The following M1AP variants were observed in gnomAD, a reference collection of about 807,000 sequenced individuals.
The protein encoded by M1AP is meiosis 1 arrest protein.
In M1AP, 39 loss-of-function variants were observed where a neutral mutation model predicts 51.2. The ratio of observed to expected loss-of-function variants is 0.76; its 90% CI spans 0.59 to 1.00. The LOEUF (loss-of-function observed/expected upper bound fraction) is 1.00, where lower values mean the gene tolerates loss of function less well. Among genes scored for constraint, M1AP ranks in the 50% least tolerant of loss-of-function variants. The pLI is 0.00. For missense variants in M1AP, 545 were observed against 641.2 expected, an observed-to-expected ratio of 0.85 and a Z score of 1.62; for synonymous variants, 251 against 249.2, an observed-to-expected ratio of 1.01 and a Z score of -0.07.
intron 7 of M1AP, among the ~76,000 whole-genome samples, chr2:74,569,512 C>T (rs1184841473): frequency 6.6e-6 from 1 of 151,720 alleles, no homozygotes; most frequent in African/African-American, 2.4e-5. Flanking sequence ...GTAGCTGGGA[C>T]TACAGGCATG....
At chr2:74,563,006 G>T (rs1349667130) in intron 7 of M1AP, among the ~76,000 whole-genome samples, 1 of 152,106 alleles carries the variant, frequency 6.6e-6, no homozygotes, top group Non-Finnish European at 1.5e-5. Flanking sequence ...TCTTTTGAGG[G>T]TAATAAAGTC....
intron 7 of M1AP, among the ~76,000 whole-genome samples, chr2:74,571,335 G>C (rs1445237271): frequency 6.6e-6 from 1 of 152,200 alleles, no homozygotes; most frequent in East Asian, 1.9e-4. Flanking sequence ...GACAATGGCG[G>C]TGCTGCTATT....
intron 2 of M1AP, among the ~76,000 whole-genome samples, chr2:74,624,142 C>T (rs1198893228): frequency 1.3e-5 from 2 of 152,300 alleles, no homozygotes; most frequent in African/African-American, 4.8e-5. Context: ...AAGGCATAAG[C>T]AGGCTAGTGC....
intron 2 of M1AP, chr2:74,620,772 C>T (rs1172601943): frequency 4.8e-6 from 1 of 207,856 alleles, no homozygotes; most frequent in Non-Finnish European, 1.0e-5. Flanking sequence ...TGAGTGAAGA[C>T]GTTCAGCCAC....
At chr2:74,616,571 T>C (rs1203277884) in intron 2 of M1AP, among the ~76,000 whole-genome samples, 1 of 152,246 alleles carries the variant, frequency 6.6e-6, no homozygotes, top group East Asian at 1.9e-4. Context: ...AGAATTTTTA[T>C]GCTTGGCAAC....
At chr2:74,558,986 G>A (rs1271111328) in intron 10 of M1AP, 112 bp from the exon 11 acceptor site, 2 of 1,077,728 alleles carry the variant, frequency 1.9e-6, no homozygotes, top group Non-Finnish European at 2.5e-6. Flanking sequence ...TCCCTGGAGT[G>A]ACAGCCTCAA....
chr2:74,575,634 C>T (rs1679019527), intron 6 of M1AP, 55 bp from the exon 7 acceptor site: 1 of 1,368,288 alleles, frequency 7.3e-7, no homozygotes, highest in African/African-American at 1.4e-5. Context: ...GAACCTCCAC[C>T]TAGATCCACT....
chr2:74,590,354 C>G (rs1030352968), intron 4 of M1AP, among the ~76,000 whole-genome samples: 9 of 151,794 alleles, frequency 5.9e-5, no homozygotes, highest in Admixed American at 4.6e-4. Flanking sequence ...GGATTCTGCC[C>G]TCCCTCATGA....
chr2:74,585,712 TG>T (rs1355577318), intron 4 of M1AP, among the ~76,000 whole-genome samples: 1 of 152,192 alleles, frequency 6.6e-6, no homozygotes, highest in Non-Finnish European at 1.5e-5. Context: ...GAGCACCTCT[TG>T]GGGGCAGACT....
At chr2:74,595,135 C>G (rs982094179) in intron 4 of M1AP, among the ~76,000 whole-genome samples, 2 of 152,096 alleles carry the variant, frequency 1.3e-5, no homozygotes, top group Non-Finnish European at 2.9e-5. Context: ...CCCACCTTAG[C>G]CTTCCAAGTA....
intron 2 of M1AP, among the ~76,000 whole-genome samples, chr2:74,635,092 T>G (rs1682912146): frequency 6.6e-6 from 1 of 152,166 alleles, no homozygotes; most frequent in South Asian, 2.1e-4. Context: ...AGTAGAATTC[T>G]TCAATAAAAC....
chr2:74,603,511 GA>G (rs1303293201), intron 4 of M1AP, among the ~76,000 whole-genome samples: 1 of 152,178 alleles, frequency 6.6e-6, no homozygotes, highest in Admixed American at 6.6e-5. Context: ...CTAAGAAGAG[GA>G]AAATGAATAC....
chr2:74,559,889 G>T (rs532964515), intron 9 of M1AP, among the ~76,000 whole-genome samples, 180 bp from the exon 10 acceptor site: 1 of 152,318 alleles, frequency 6.6e-6, no homozygotes, highest in Admixed American at 6.5e-5. Flanking sequence ...TTTGCTTAAT[G>T]GGACAATGGT....
intron 1 of M1AP, among the ~76,000 whole-genome samples, chr2:74,647,819 G>A (rs895142871): frequency 2.6e-5 from 4 of 152,186 alleles, no homozygotes; most frequent in Non-Finnish European, 5.9e-5. Flanking sequence ...ACTTGAACCC[G>A]GGAGGCGGAG....
In M1AP at chr2:74,641,641, C is replaced by CTT. The variant is rs111350730; in HGVS notation, c.-52-1316_-52-1315dup. 2.8e-3 allele frequency among the ~76,000 whole-genome samples: 393 copies of CTT among 141,038 alleles called. 1 individual carries two copies. Among genetic ancestry groups the CTT allele is most frequent in the African/African-American group, 9.9e-3 (378 of 38,188 alleles). The allele number at this position is 141,038 out of a possible 152,430, so 92.5% of individuals were successfully genotyped here. A position where few individuals can be genotyped will look rare whatever the true frequency, so the allele number is the denominator to read the frequency against. On this transcript the variant is annotated intron_variant, in intron 1 of 10. Transcript: ENST00000421985. ...ACATGCAAAGACCAAGAATTTCAAT[C>CTT]TTTTTTTTTTTTTTTGTAGAGATGG...
rs781778476 is a variant in M1AP, at chr2:74,558,853, G to T, written c.1456C>A (p.Arg486=). The change falls in exon 11 of 11, where the codon CGA becomes AGA. Residue 486 remains arginine (R), a synonymous_variant. Transcript: ENST00000421985. ...PCKTGQLQTN[R]ARATVAPLPM... ...AGGGGGGCCACAGTAGCTCGAGCTC[G>T]GTTGGTCTGCAACTGCCCAGTCTGC... is the stretch of plus-strand genomic sequence containing the variant. 1 of 1,599,854 alleles carries T rather than the reference G, an allele frequency of 6.3e-7. No individual in the cohort carries two copies. Among genetic ancestry groups the T allele is most frequent in the Non-Finnish European group, 8.5e-7 (1 of 1,174,728 alleles).
intron 10 of M1AP, among the ~76,000 whole-genome samples, chr2:74,559,244 G>A (rs564415259): frequency 6.6e-6 from 1 of 151,082 alleles, no homozygotes; most frequent in South Asian, 2.1e-4. Flanking sequence ...CTGCAGCCTT[G>A]ACCTCCTGGG....
At chr2:74,559,921 A>C (rs1255756530) in intron 9 of M1AP, among the ~76,000 whole-genome samples, 2 of 152,232 alleles carry the variant, frequency 1.3e-5, no homozygotes, top group Non-Finnish European at 2.9e-5. Context: ...GCTATCATAA[A>C]CACTACAATT....
In M1AP at chr2:74,557,896, G is replaced by A. The variant is rs890375603; in HGVS notation, c.*820C>T. 2.8e-5 allele frequency: 4 copies of A among 144,346 alleles called. No homozygotes were observed. The highest frequency in any genetic ancestry group is 2.2e-4 in the South Asian group (1 of 4,486). 8.9% of individuals were successfully genotyped at this position (144,346 alleles called of 1,614,324 possible). On this transcript the variant is annotated 3_prime_UTR_variant, in exon 11 of 11. Transcript: ENST00000421985. ...TGAAGCACAGGGTGTTTTTTTAAAAGTTTTTATTATTTATGTAGAGATGGC... is the reference window on the plus strand; with the variant it reads ...TGAAGCACAGGGTGTTTTTTTAAAAATTTTTATTATTTATGTAGAGATGGC...
Sources: gnomAD v4.1 joint callset for allele counts (sites outside exome capture counted in the v4.1 genomes callset) on GRCh38, gnomAD v4.1.1 for gene constraint, MANE v1.5 for transcripts, NCBI Gene and HGNC (gene_info 2026-07-23, HGNC 2026-07-21) for gene names.